The following GCLM variants were observed in gnomAD, a reference collection of about 807,000 sequenced individuals.
The protein encoded by GCLM is glutamate-cysteine ligase modifier subunit, also known as glutamate--cysteine ligase regulatory subunit.
Under a neutral mutation model 36.0 loss-of-function variants are expected in GCLM, and 15 were observed. The observed-to-expected ratio is 0.42, with a 90% CI of 0.28 to 0.64. The LOEUF is 0.64. Among genes scored for constraint, GCLM ranks in the 30% least tolerant of loss-of-function variants. The probability of loss-of-function intolerance (pLI) is 0.25; values close to 1 mark genes in which losing one functional copy is unlikely to be tolerated. For synonymous variants in GCLM, 129 were observed against 122.8 expected (o/e 1.05, Z -0.34); for missense variants, 242 against 325.5 (o/e 0.74, Z 1.97).
intron 5 of GCLM, 142 bp downstream of exon 5, chr1:93,896,476 T>G (rs1656738131): frequency 3.0e-6 from 2 of 677,850 alleles, no homozygotes; most frequent in Non-Finnish European, 5.3e-6. Flanking sequence ...TCAAAACTCC[T>G]GCAGAAACAA....
intron 2 of GCLM, among the ~76,000 whole-genome samples, chr1:93,902,580 A>G (rs997509753): frequency 6.6e-6 from 1 of 151,714 alleles, no homozygotes; most frequent in African/African-American, 2.4e-5. Context: ...CACTCCCTAC[A>G]CTCACATCCA....
rs1479522759 is a variant in GCLM at position 93,896,752 on chromosome 1, C to G, written c.406G>C (p.Val136Leu). The G allele has an allele frequency of 3.1e-6, 5 of 1,610,964 alleles. No homozygotes were observed. Among genetic ancestry groups the G allele is most frequent in the Non-Finnish European group, 2.5e-6 (3 of 1,177,078 alleles). The change falls in exon 5 of 7, where the codon GTT (valine) becomes CTT (leucine). Residue 136 changes from valine to leucine, a missense_variant. By Grantham distance (32) the Val-to-Leu change is conservative. Transcript: ENST00000370238. ...TGTAAATGCTCCAAGGAAAGATTAACTCCATCTTCAATAGGAGGTGAAGCA... is the reference window on the plus strand; with the variant it reads ...TGTAAATGCTCCAAGGAAAGATTAAGTCCATCTTCAATAGGAGGTGAAGCA... ...IIASPPIEDGVNLSLEHLQPY... is the reference protein window; with the variant it reads ...IIASPPIEDGLNLSLEHLQPY...
chr1:93,896,429 CA>C (rs1656737001), intron 5 of GCLM, among the ~76,000 whole-genome samples, 188 bp downstream of exon 5: 1 of 152,084 alleles, frequency 6.6e-6, no homozygotes. Flanking sequence ...TAAATAAAAA[CA>C]AACAAAAACC....
intron 6 of GCLM, among the ~76,000 whole-genome samples, chr1:93,890,212 G>A (rs1036589235): frequency 5.3e-5 from 8 of 151,880 alleles, no homozygotes; most frequent in East Asian, 1.9e-4. Context: ...GCCCGGCCTC[G>A]AAAAATATTT....
rs1227573885 is a variant in GCLM at position 93,901,530 on chromosome 1, C to CA, written c.277+54dup. ...AAGAAAGGCTTATTCTAATGCCTAA[C>CA]AAAATCTATCGCTTCCGCTATGTAA... is the stretch of plus-strand genomic sequence containing the variant. On this transcript the variant is annotated intron_variant, in intron 3 of 6. Transcript: ENST00000370238. The CA allele has an allele frequency of 4.3e-6, 4 of 929,500 alleles. No homozygotes were observed. In the East Asian group the frequency reaches 9.6e-5, roughly 22 times the overall value. The allele number at this position is 929,500 out of a possible 1,614,324, so 57.6% of individuals were successfully genotyped here.
intron 2 of GCLM, among the ~76,000 whole-genome samples, chr1:93,904,049 C>A (rs1042988301): frequency 5.3e-5 from 8 of 152,270 alleles, no homozygotes; most frequent in African/African-American, 1.9e-4. Flanking sequence ...GAGCCTTTGA[C>A]TGAGTTGGAT....
rs1179773947 is a variant in GCLM at position 93,888,806 on chromosome 1, CA to C, written c.*183del. 2.4e-6 allele frequency: 1 copy of C among 409,708 alleles called. No homozygotes were observed. Among genetic ancestry groups the C allele is most frequent in the Non-Finnish European group, 4.3e-6 (1 of 230,788 alleles). The allele number at this position is 409,708 out of a possible 1,614,324, so 25.4% of individuals were successfully genotyped here. A position where few individuals can be genotyped will look rare whatever the true frequency, so the allele number is the denominator to read the frequency against. ...GTTTAAGGAAAGCAATACAGAGGTT[CA>C]TGAGAATGGATTGATATGGAGGCAA... On this transcript the variant is annotated 3_prime_UTR_variant, in exon 7 of 7. Transcript: ENST00000370238.
At chr1:93,902,216 C>T (rs1031931405) in intron 2 of GCLM, among the ~76,000 whole-genome samples, 4 of 151,998 alleles carry the variant, frequency 2.6e-5, no homozygotes, top group African/African-American at 7.2e-5. Context: ...CTCGCTCTGT[C>T]GCCCAGGCTG....
rs1656267245 is a variant in GCLM at position 93,885,335 on chromosome 1, TTATTTTAG to T, written c.*3647_*3654del. The T allele has an allele frequency of 6.6e-6, 1 of 152,156 alleles. No individual in the cohort carries two copies. Among genetic ancestry groups the T allele is most frequent in the South Asian group, 2.1e-4 (1 of 4,830 alleles). 9.4% of individuals were successfully genotyped at this position (152,156 alleles called of 1,614,324 possible). A position where few individuals can be genotyped will look rare whatever the true frequency, so the allele number is the denominator to read the frequency against. On this transcript the variant is annotated 3_prime_UTR_variant, in exon 7 of 7. Coordinates refer to ENST00000370238, the MANE Select transcript of GCLM (RefSeq NM_002061.4). ...AATTAAAAAATATACAACTCACACTTTATTTTAGTTAAATTCATAATGTAGGTAATATT... is the reference window on the plus strand; with the variant it reads ...AATTAAAAAATATACAACTCACACTTTTAAATTCATAATGTAGGTAATATT...
chr1:93,900,504 C>T (rs1407634494), intron 3 of GCLM, among the ~76,000 whole-genome samples: 1 of 152,144 alleles, frequency 6.6e-6, no homozygotes, highest in Non-Finnish European at 1.5e-5. Context: ...GTTAGGCATA[C>T]CTGAGTGGAT....
In GCLM at chr1:93,886,631, T is replaced by C. The variant is rs1656313885; in HGVS notation, c.*2359A>G. Reference sequence around the variant, plus strand: ...CTTTGTCAAGAGTTGAGGGTGCAGGTAGGAGATCACCAAAAAGCTCTGCTG... The same window carrying C: ...CTTTGTCAAGAGTTGAGGGTGCAGGCAGGAGATCACCAAAAAGCTCTGCTG... On this transcript the variant is annotated 3_prime_UTR_variant, in exon 7 of 7. Coordinates refer to ENST00000370238, the MANE Select transcript of GCLM (RefSeq NM_002061.4). 6.6e-6 allele frequency: 1 copy of C among 152,122 alleles called. No homozygotes were observed. The highest frequency in any genetic ancestry group is 1.5e-5 in the Non-Finnish European group (1 of 68,028). The allele number at this position is 152,122 out of a possible 1,614,324, so 9.4% of individuals were successfully genotyped here. A position where few individuals can be genotyped will look rare whatever the true frequency, so the allele number is the denominator to read the frequency against.
chr1:93,908,957 G>A, intron 1 of GCLM, 81 bp downstream of exon 1: 1 of 1,169,172 alleles, frequency 8.6e-7, no homozygotes, highest in Non-Finnish European at 1.1e-6. Context: ...CTCGCCCGCG[G>A]GCGCTTCTCC....
chr1:93,902,764 C>T (rs1657006927), intron 2 of GCLM, among the ~76,000 whole-genome samples: 1 of 152,206 alleles, frequency 6.6e-6, no homozygotes. Context: ...TCCACCATTA[C>T]AATATCATAT....
rs970675903 is a variant in GCLM, at chr1:93,888,157, G to C, written c.*833C>G. The C allele has an allele frequency of 2.0e-5, 3 of 152,024 alleles. No individual in the cohort carries two copies. In the East Asian group the frequency reaches 5.8e-4, roughly 29 times the overall value. The allele number at this position is 152,024 out of a possible 1,614,324, so 9.4% of individuals were successfully genotyped here. The stretch of plus-strand genomic sequence containing the variant: ...GCTCTATTGCCCCCTCCTCTCTCCA[G>C]AGCCCACAGTATCCCAACATATGGT... On this transcript the variant is annotated 3_prime_UTR_variant, in exon 7 of 7. Coordinates refer to ENST00000370238, the MANE Select transcript of GCLM (RefSeq NM_002061.4).
In GCLM at chr1:93,888,696, T is replaced by C. The variant is rs1176366674; in HGVS notation, c.*294A>G. The stretch of plus-strand genomic sequence containing the variant: ...GCCAAAATATATCTAACAACAAATT[T>C]TCTTGATTTATATTAGTCATAAAAA... On this transcript the variant is annotated 3_prime_UTR_variant, in exon 7 of 7. Coordinates refer to ENST00000370238, the MANE Select transcript of GCLM (RefSeq NM_002061.4). The C allele has an allele frequency of 1.0e-5, 2 of 195,642 alleles. No homozygotes were observed. Among genetic ancestry groups the C allele is most frequent in the Non-Finnish European group, 2.1e-5 (2 of 97,402 alleles). 12.1% of individuals were successfully genotyped at this position (195,642 alleles called of 1,614,324 possible).
intron 1 of GCLM, among the ~76,000 whole-genome samples, chr1:93,905,552 T>C (rs1000872921): frequency 6.6e-5 from 10 of 152,192 alleles, no homozygotes; most frequent in African/African-American, 2.4e-4. Flanking sequence ...CCAGAAGTCA[T>C]TTCGTAACAT....
At chr1:93,899,100 T>C (rs1269439864) in intron 3 of GCLM, among the ~76,000 whole-genome samples, 1 of 152,054 alleles carries the variant, frequency 6.6e-6, no homozygotes, top group African/African-American at 2.4e-5. Flanking sequence ...ACATACTTTT[T>C]TTTTTTGAGA....
Position 93,901,567 on chromosome 1 carries a change from G to C in GCLM, c.277+18C>G. Reference sequence around the variant, plus strand: ...CTTCCGCTATGTAACAAAATAAACAGAAAAGACTGGACTTTACCAGAAACT... The same window carrying C: ...CTTCCGCTATGTAACAAAATAAACACAAAAGACTGGACTTTACCAGAAACT... On this transcript the variant is annotated intron_variant, in intron 3 of 6. Transcript: ENST00000370238. The C allele has an allele frequency of 7.6e-7, 1 of 1,322,350 alleles. No homozygotes were observed. Among genetic ancestry groups the C allele is most frequent in the Non-Finnish European group, 1.1e-6 (1 of 921,158 alleles). 81.9% of individuals were successfully genotyped at this position (1,322,350 alleles called of 1,614,324 possible).
rs1404326326 is a variant in GCLM at position 93,909,098 on chromosome 1, C to T, written c.66G>A (p.Thr22=). 1.3e-5 allele frequency: 19 copies of T among 1,472,424 alleles called. No homozygotes were observed. Among genetic ancestry groups the T allele is most frequent in the South Asian group, 5.1e-5 (4 of 78,090 alleles). The allele number at this position is 1,472,424 out of a possible 1,614,324, so 91.2% of individuals were successfully genotyped here. A position where few individuals can be genotyped will look rare whatever the true frequency, so the allele number is the denominator to read the frequency against. ...LARARTLHLQ[T]GNLLNWGRLR... is the part of the protein sequence containing the mutation. Reference sequence around the variant, plus strand: ...GGCGGCCCCAGTTCAGCAGGTTCCCCGTCTGCAGGTGCAGGGTGCGGGCCC... The same window carrying T: ...GGCGGCCCCAGTTCAGCAGGTTCCCTGTCTGCAGGTGCAGGGTGCGGGCCC... The change falls in exon 1 of 7, where the codon ACG becomes ACA. Residue 22 remains threonine, a synonymous_variant. Coordinates refer to ENST00000370238, the MANE Select transcript of GCLM (RefSeq NM_002061.4).
Sources: gnomAD v4.1 joint callset for allele counts (sites outside exome capture counted in the v4.1 genomes callset) on GRCh38, gnomAD v4.1.1 for gene constraint, MANE v1.5 for transcripts, NCBI Gene and HGNC (gene_info 2026-07-23, HGNC 2026-07-21) for gene names.